Variants in FANCL observed in about 807,000 individuals in gnomAD.
FANCL encodes the protein FA complementation group L.
FANCL carries 69 observed loss-of-function variants against 59.4 expected under a neutral mutation model. The ratio of observed to expected loss-of-function variants is 1.16; its 90% CI spans 0.96 to 1.42. The LOEUF is 1.42. Ranked by LOEUF, FANCL falls within the 40% of genes most tolerant of loss-of-function variation. The pLI, the probability that FANCL is intolerant of heterozygous loss-of-function variation, is 0.00. For missense variants in FANCL, 519 were observed against 447.2 expected (o/e 1.16, Z -1.45); for synonymous variants, 180 against 147.1 (o/e 1.22, Z -1.62).
At chr2:58,240,238 CT>C (rs1180027976) in intron 1 of FANCL, among the ~76,000 whole-genome samples, 1 of 151,976 alleles carries the variant, frequency 6.6e-6, no homozygotes, top group African/African-American at 2.4e-5. Flanking sequence ...GGTGGATTAA[CT>C]TTTTTCCATA....
intron 8 of FANCL, among the ~76,000 whole-genome samples, chr2:58,164,571 A>C (rs1685684521): frequency 6.6e-6 from 1 of 151,984 alleles, no homozygotes; most frequent in Non-Finnish European, 1.5e-5. Context: ...GTCTTAAGAA[A>C]GCAAATCATG....
At chr2:58,164,244 A>G (rs1195671710) in intron 8 of FANCL, among the ~76,000 whole-genome samples, 1 of 151,986 alleles carries the variant, frequency 6.6e-6, no homozygotes, top group African/African-American at 2.4e-5. Context: ...ATCAATTTGG[A>G]TTTCATTTTC....
Position 58,161,583 on chromosome 2 carries a change from G to A in FANCL, c.959C>T (p.Pro320Leu). The change falls in exon 12 of 14, where the codon CCT becomes CTT. Residue 320 changes from proline to leucine, a missense_variant. Pro to Leu is a moderately conservative substitution (Grantham distance 98). Coordinates refer to ENST00000233741, the MANE Select transcript of FANCL (RefSeq NM_018062.4). ...CTGAGAATTATCACACACTTGATCA[G>A]GAATGGTACCGTCAAGTTGATAAGC... ...CYAYQLDGTI[P>L]DQVCDNSQCG... is the part of the protein sequence containing the mutation. 1 of 1,611,630 alleles carries A rather than the reference G, an allele frequency of 6.2e-7. No individual in the cohort carries two copies. Among genetic ancestry groups the A allele is most frequent in the Non-Finnish European group, 8.5e-7 (1 of 1,178,136 alleles).
At chr2:58,192,852 A>G (rs1049983528) in intron 7 of FANCL, among the ~76,000 whole-genome samples, 1 of 152,002 alleles carries the variant, frequency 6.6e-6, no homozygotes, top group Non-Finnish European at 1.5e-5. Flanking sequence ...TTTTTCTAAA[A>G]AGAAAACAAA....
At chr2:58,174,590 C>T (rs987525597) in intron 7 of FANCL, among the ~76,000 whole-genome samples, 52 of 152,060 alleles carry the variant, frequency 3.4e-4, no homozygotes, top group Admixed American at 2.3e-3. Flanking sequence ...TTGAAACCAA[C>T]GAGAACAAAG....
chr2:58,185,771 G>A (rs1688339318), intron 7 of FANCL, among the ~76,000 whole-genome samples: 1 of 152,132 alleles, frequency 6.6e-6, no homozygotes, highest in African/African-American at 2.4e-5. Flanking sequence ...TGCTTAAGAA[G>A]CACAAGTTAA....
intron 6 of FANCL, among the ~76,000 whole-genome samples, chr2:58,203,050 T>A (rs1690206789): frequency 6.6e-6 from 1 of 151,442 alleles, no homozygotes; most frequent in African/African-American, 2.4e-5. Flanking sequence ...AAGCACACTT[T>A]TACAAACTAA....
rs753412993 is a variant in FANCL, at chr2:58,159,581, C to T, written c.*184G>A. 6.2e-7 allele frequency: 1 copy of T among 1,613,812 alleles called. No individual in the cohort carries two copies. Among genetic ancestry groups the T allele is most frequent in the South Asian group, 1.1e-5 (1 of 91,066 alleles). On this transcript the variant is annotated 3_prime_UTR_variant, in exon 14 of 14. Transcript: ENST00000233741. ...TTAGAAAGTTCAACTGGACTTTGGCCTACAATTTCCCAGTTTACTCTTAGT... is the reference window on the plus strand; with the variant it reads ...TTAGAAAGTTCAACTGGACTTTGGCTTACAATTTCCCAGTTTACTCTTAGT...
intron 5 of FANCL, among the ~76,000 whole-genome samples, chr2:58,209,581 G>A (rs889035286): frequency 1.3e-5 from 2 of 152,054 alleles, no homozygotes; most frequent in African/African-American, 4.8e-5. Flanking sequence ...AAACTCAGAG[G>A]CAGTCTGACA....
At chr2:58,222,096 T>C (rs982344399) in intron 4 of FANCL, 54 bp from the exon 5 acceptor site, 4 of 1,228,354 alleles carry the variant, frequency 3.3e-6, no homozygotes, top group Admixed American at 1.7e-5. Context: ...CAATGAACTG[T>C]TAATACCTGA....
intron 7 of FANCL, among the ~76,000 whole-genome samples, chr2:58,189,300 C>T (rs866012978): frequency 7.6e-6 from 1 of 132,004 alleles, no homozygotes; most frequent in African/African-American, 2.8e-5. Flanking sequence ...ACCAGTCATT[C>T]TGATTTATGA....
chr2:58,203,521 T>C (rs1231942274), intron 6 of FANCL, among the ~76,000 whole-genome samples: 4 of 151,952 alleles, frequency 2.6e-5, no homozygotes, highest in African/African-American at 9.7e-5. Context: ...TTGTCCAAAT[T>C]CACAATTTAG....
At chr2:58,240,917 A>C (rs886779546) in intron 1 of FANCL, among the ~76,000 whole-genome samples, 4 of 152,202 alleles carry the variant, frequency 2.6e-5, no homozygotes, top group Admixed American at 2.6e-4. Context: ...AAAAACAGTC[A>C]ATTGCGGGAC....
chr2:58,231,923 G>T (rs746211577), intron 2 of FANCL, 131 bp downstream of exon 2: 3 of 746,130 alleles, frequency 4.0e-6, no homozygotes, highest in African/African-American at 3.5e-5. Flanking sequence ...AATCAGAAAT[G>T]TTTCTTTTGG....
At chr2:58,219,160 A>T (rs1692171618) in intron 5 of FANCL, among the ~76,000 whole-genome samples, 4 of 97,424 alleles carry the variant, frequency 4.1e-5, no homozygotes, top group African/African-American at 2.5e-4. Flanking sequence ...AAAAAAAAAA[A>T]AAAAAAAAAA....
At position 58,165,752 on chromosome 2, in the gene FANCL, C is replaced by G. The variant is rs1246817831; in HGVS notation, c.663G>C (p.Arg221=). 1.2e-6 allele frequency: 2 copies of G among 1,614,074 alleles called. No individual in the cohort carries two copies. Among genetic ancestry groups the G allele is most frequent in the Non-Finnish European group, 1.7e-6 (2 of 1,179,970 alleles). The change falls in exon 8 of 14, where the codon CGG becomes CGC. Residue 221 remains arginine (R), a synonymous_variant. Transcript: ENST00000233741. ...ATGCAATTCTGCGTGCTGTTGCACT[C>G]CGTGGAGGTTTTTCTGGCTCAAGTA... is the stretch of plus-strand genomic sequence containing the variant. ...TWVLEPEKPP[R]SATARRIALG...
intron 5 of FANCL, among the ~76,000 whole-genome samples, chr2:58,204,505 A>C (rs1690380751): frequency 6.6e-6 from 1 of 152,058 alleles, no homozygotes; most frequent in Non-Finnish European, 1.5e-5. Flanking sequence ...GTTTTCCATC[A>C]CTGGAACCTT....
chr2:58,213,048 G>C (rs1016805894), intron 5 of FANCL, among the ~76,000 whole-genome samples: 2 of 152,128 alleles, frequency 1.3e-5, no homozygotes, highest in Non-Finnish European at 2.9e-5. Context: ...AACACAGCAA[G>C]GCCAGCATTA....
At chr2:58,235,850 T>TA (rs1207346260) in intron 1 of FANCL, among the ~76,000 whole-genome samples, 1 of 151,898 alleles carries the variant, frequency 6.6e-6, no homozygotes, top group Non-Finnish European at 1.5e-5. Context: ...TTGAGATTTT[T>TA]AAAAAATATG....
Sources: allele counts gnomAD v4.1 joint callset (sites outside exome capture counted in the v4.1 genomes callset), GRCh38; gene constraint gnomAD v4.1.1; transcripts MANE v1.5; gene names NCBI Gene and HGNC (gene_info 2026-07-23, HGNC 2026-07-21).